Variants in IQSEC1 observed in about 807,000 individuals in gnomAD.
The protein encoded by IQSEC1 is IQ motif and Sec7 domain ArfGEF 1.
In IQSEC1, 31 loss-of-function variants were observed where a neutral mutation model predicts 91.0. The observed-to-expected ratio is 0.34, with a 90% confidence interval of 0.26 to 0.46. The LOEUF is 0.46. IQSEC1 is among the 20% of genes least tolerant of loss of function. The pLI is 1.00. For synonymous variants in IQSEC1, 699 were observed against 662.6 expected (o/e 1.05, Z -0.84); for missense variants, 1,388 against 1,575.6 (o/e 0.88, Z 2.02).
At chr3:13,111,568 T>C (rs1189719069) in intron 2 of IQSEC1, among the ~76,000 whole-genome samples, 1 of 152,226 alleles carries the variant, frequency 6.6e-6, no homozygotes, top group African/African-American at 2.4e-5. Context: ...AGGGACTGAA[T>C]GTTTGTGTTC....
At chr3:13,005,133 C>A (rs1357355050) in intron 1 of IQSEC1, among the ~76,000 whole-genome samples, 1 of 152,192 alleles carries the variant, frequency 6.6e-6, no homozygotes, top group Non-Finnish European at 1.5e-5. Context: ...GTTTTTCAAT[C>A]TTGGATATTA....
At chr3:13,013,140 T>C (rs961113960) in intron 1 of IQSEC1, among the ~76,000 whole-genome samples, 2 of 152,042 alleles carry the variant, frequency 1.3e-5, no homozygotes, top group Non-Finnish European at 1.5e-5. Context: ...TTTGTATTTT[T>C]AGTAGAGATG....
chr3:13,185,150 G>A (rs1693909380), intron 1 of IQSEC1, among the ~76,000 whole-genome samples: 1 of 152,174 alleles, frequency 6.6e-6, no homozygotes, highest in Admixed American at 6.5e-5. Flanking sequence ...GGGAAACTAG[G>A]AACAAATCCT....
intron 1 of IQSEC1, among the ~76,000 whole-genome samples, chr3:13,273,754 C>A (rs1026202120): frequency 2.6e-5 from 4 of 152,282 alleles, no homozygotes; most frequent in African/African-American, 9.6e-5. Context: ...CTGCTCAACA[C>A]CCTCCAGGGA....
intron 1 of IQSEC1, among the ~76,000 whole-genome samples, chr3:13,058,559 G>T (rs1227821561): frequency 6.6e-6 from 1 of 152,204 alleles, no homozygotes; most frequent in Admixed American, 6.5e-5. Flanking sequence ...TGTCTTTGTG[G>T]CCAGTCAGCA....
intron 1 of IQSEC1, among the ~76,000 whole-genome samples, chr3:13,184,306 T>C (rs927240136): frequency 3.9e-5 from 6 of 152,204 alleles, no homozygotes; most frequent in African/African-American, 9.7e-5. Flanking sequence ...CTGGTCAGCA[T>C]TGGAAAATTA....
chr3:12,918,907 A>G (rs1383970536), intron 6 of IQSEC1, among the ~76,000 whole-genome samples: 2 of 152,196 alleles, frequency 1.3e-5, no homozygotes, highest in Non-Finnish European at 2.9e-5. Context: ...ATATAAATAA[A>G]TACATGAAGT....
intron 1 of IQSEC1, among the ~76,000 whole-genome samples, chr3:13,205,531 C>A (rs762378676): frequency 3.3e-5 from 5 of 149,392 alleles, no homozygotes; most frequent in Non-Finnish European, 7.4e-5. Flanking sequence ...CTCTATCCAT[C>A]CACCCACCCA....
rs1013227870 is a variant in IQSEC1, at chr3:12,983,356, C to T, written c.24-41491G>A. Among the ~76,000 whole-genome samples the T allele has an allele frequency of 6.6e-6, 1 of 152,194 alleles. No homozygotes were observed. Among genetic ancestry groups the T allele is most frequent in the Non-Finnish European group, 1.5e-5 (1 of 68,022 alleles). On this transcript the variant is annotated intron_variant, in intron 1 of 13. Transcript: ENST00000613206. The surrounding 1 kb of genome is among the most constrained non-coding windows in gnomAD (Gnocchi z 4.3). ...ATGAAAGGTGGCGTGGTGACAACTG[C>T]AGTCTGGGTGCTGGCTTGGGGGCGG... is the stretch of plus-strand genomic sequence containing the variant.
intron 1 of IQSEC1, among the ~76,000 whole-genome samples, chr3:13,240,789 C>A (rs945953251): frequency 2.0e-5 from 3 of 152,206 alleles, no homozygotes; most frequent in Admixed American, 1.3e-4. Flanking sequence ...CAGGTGCCAA[C>A]AGGCAGAGTT....
chr3:13,186,629 G>A (rs1172248849), intron 1 of IQSEC1, among the ~76,000 whole-genome samples: 2 of 152,184 alleles, frequency 1.3e-5, no homozygotes, highest in Non-Finnish European at 2.9e-5. Context: ...AGGCCCATCT[G>A]GAGATCTGGA....
intron 1 of IQSEC1, among the ~76,000 whole-genome samples, chr3:12,988,700 G>A (rs928221298): frequency 6.6e-6 from 1 of 152,220 alleles, no homozygotes; most frequent in African/African-American, 2.4e-5. Flanking sequence ...GCACACGGGG[G>A]CTTTGGGCAA....
At position 12,967,268 on chromosome 3, in the gene IQSEC1, C is replaced by G; in HGVS notation, c.24-25403G>C. ...CCCCGCCCCGCAGGCAGCTTTCTCT[C>G]GCACGCCGGGCGCCCGGTCCCGACG... On this transcript the variant is annotated intron_variant, in intron 1 of 13. Transcript: ENST00000613206. This position sits in a 1 kb window ranked among gnomAD's most constrained non-coding sequence, Gnocchi z 5.9. The G allele has an allele frequency of 2.4e-6, 2 of 846,962 alleles. No homozygotes were observed. Among genetic ancestry groups the G allele is most frequent in the Non-Finnish European group, 3.5e-6 (2 of 578,708 alleles). 52.5% of individuals were successfully genotyped at this position (846,962 alleles called of 1,614,324 possible).
chr3:12,907,856 G>A (rs1262149485), intron 12 of IQSEC1, among the ~76,000 whole-genome samples: 5 of 152,238 alleles, frequency 3.3e-5, no homozygotes, highest in African/African-American at 1.2e-4. Context: ...AATGGCCTCT[G>A]GGCTGGACGA....
intron 1 of IQSEC1, among the ~76,000 whole-genome samples, chr3:13,217,178 T>G (rs977011888): frequency 6.6e-6 from 1 of 152,256 alleles, no homozygotes; most frequent in Admixed American, 6.5e-5. Context: ...CTTTTGTAAC[T>G]TTCACTGAAT....
At position 12,919,745 on chromosome 3, in the gene IQSEC1, C is replaced by T. The variant is rs1461001904; in HGVS notation, c.2020+685G>A. Among the ~76,000 whole-genome samples the T allele has an allele frequency of 2.6e-5, 4 of 152,248 alleles. No individual in the cohort carries two copies. The East Asian group carries it at 7.7e-4, about 29-fold the overall frequency. ...CCCACAGGGACTGAGGGATGCGGTG[C>T]CTTCCTCCTTCCTTCCGGGGACCCT... On this transcript the variant is annotated intron_variant, in intron 6 of 13. Coordinates refer to ENST00000613206, the MANE Select transcript of IQSEC1 (RefSeq NM_001134382.3).
intron 2 of IQSEC1, among the ~76,000 whole-genome samples, chr3:13,156,323 T>A (rs960117629): frequency 6.6e-6 from 1 of 152,038 alleles, no homozygotes; most frequent in African/African-American, 2.4e-5. Flanking sequence ...ATGAAGACCA[T>A]ATACAAAAAA....
At chr3:12,966,233 G>GC (rs1359846282) in intron 1 of IQSEC1, among the ~76,000 whole-genome samples, 2 of 152,210 alleles carry the variant, frequency 1.3e-5, no homozygotes, top group South Asian at 2.1e-4. Flanking sequence ...TCCTTGAGAA[G>GC]CCCCCCAACC....
intron 2 of IQSEC1, among the ~76,000 whole-genome samples, chr3:13,162,316 G>A (rs974375315): frequency 1.2e-4 from 18 of 152,162 alleles, no homozygotes; most frequent in Admixed American, 1.2e-3. Context: ...GCCCAGAGAG[G>A]CAGGCCAGGG....
Sources: allele counts gnomAD v4.1 joint callset (sites outside exome capture counted in the v4.1 genomes callset), GRCh38; gene constraint gnomAD v4.1.1; non-coding constraint Gnocchi (gnomAD v3.1); transcripts MANE v1.5; gene names NCBI Gene and HGNC (gene_info 2026-07-23, HGNC 2026-07-21).